The following NRG1 variants were observed in gnomAD, a reference collection of about 807,000 sequenced individuals.
NRG1 encodes neuregulin 1.
In NRG1, 18 loss-of-function variants were observed where a neutral mutation model predicts 63.8. That is an observed-to-expected ratio of 0.28 (90% CI 0.19 to 0.42). NRG1 has a LOEUF of 0.42. Among genes scored for constraint, NRG1 ranks in the 10% least tolerant of loss-of-function variants. The pLI is 1.00. For synonymous variants in NRG1, 302 were observed against 301.3 expected, an observed-to-expected ratio of 1.00 and a Z score of -0.02; for missense variants, 762 against 814.7, an observed-to-expected ratio of 0.94 and a Z score of 0.79.
chr8:32,702,520 CT>C (rs1400682378), intron 5 of NRG1, among the ~76,000 whole-genome samples: 2 of 152,168 alleles, frequency 1.3e-5, no homozygotes, highest in Non-Finnish European at 2.9e-5. Flanking sequence ...GGAGTCTCGC[CT>C]TGTGGCCCAG....
intron 5 of NRG1, among the ~76,000 whole-genome samples, chr8:32,674,213 A>G (rs1249183837): frequency 6.6e-6 from 1 of 152,224 alleles, no homozygotes; most frequent in African/African-American, 2.4e-5. Flanking sequence ...AGGGGTTACC[A>G]GAGCTATCCA....
At chr8:32,434,514 T>C (rs1287716135) in intron 1 of NRG1, among the ~76,000 whole-genome samples, 1 of 152,150 alleles carries the variant, frequency 6.6e-6, no homozygotes, top group Non-Finnish European at 1.5e-5. Context: ...ACTGAACTCT[T>C]AATGCCCCAG....
chr8:31,705,254 G>A (rs1216691997), intron 1 of NRG1, among the ~76,000 whole-genome samples: 1 of 151,906 alleles, frequency 6.6e-6, no homozygotes, highest in African/African-American at 2.4e-5. Flanking sequence ...CACCATGTTG[G>A]CCAGGATGGT....
chr8:32,137,981 C>T (rs1256215079), intron 1 of NRG1, among the ~76,000 whole-genome samples: 2 of 152,104 alleles, frequency 1.3e-5, no homozygotes, highest in Non-Finnish European at 2.9e-5. Context: ...CCTGTGTCTG[C>T]TGGGATCCTT....
intron 7 of NRG1, chr8:32,743,159 T>G: frequency 1.0e-6 from 1 of 988,430 alleles, no homozygotes; most frequent in Non-Finnish European, 1.2e-6. Flanking sequence ...GATATGCACT[T>G]GAAATGATGG....
intron 1 of NRG1, among the ~76,000 whole-genome samples, chr8:32,172,855 TAC>T (rs1273946625): frequency 1.3e-5 from 2 of 152,204 alleles, no homozygotes; most frequent in Non-Finnish European, 2.9e-5. Context: ...AGACCAAATC[TAC>T]ATCTGATTGG....
At chr8:31,912,241 A>T (rs540695875) in intron 1 of NRG1, among the ~76,000 whole-genome samples, 98 of 152,292 alleles carry the variant, frequency 6.4e-4, no homozygotes, top group African/African-American at 2.2e-3. Context: ...TTTATGATTG[A>T]TAACTGTTTT....
intron 1 of NRG1, among the ~76,000 whole-genome samples, chr8:31,907,633 T>C (rs1832635353): frequency 6.6e-6 from 1 of 152,166 alleles, no homozygotes; most frequent in Non-Finnish European, 1.5e-5. Context: ...GTTTTGTTTG[T>C]TTGTTTTTCC....
At chr8:32,125,058 T>C (rs555624764) in intron 1 of NRG1, among the ~76,000 whole-genome samples, 1 of 151,988 alleles carries the variant, frequency 6.6e-6, no homozygotes, top group African/African-American at 2.4e-5. Flanking sequence ...GAAAACTAAC[T>C]TAGGCCCTTT....
chr8:31,709,705 A>G (rs1372034797), intron 1 of NRG1, among the ~76,000 whole-genome samples: 1 of 151,992 alleles, frequency 6.6e-6, no homozygotes, highest in Non-Finnish European at 1.5e-5. Flanking sequence ...AGAAAATTAC[A>G]TATCTCATCC....
chr8:32,008,400 G>T (rs1448551863), intron 1 of NRG1, among the ~76,000 whole-genome samples: 4 of 151,950 alleles, frequency 2.6e-5, no homozygotes, highest in Admixed American at 1.3e-4. Flanking sequence ...AGAAACAAAA[G>T]AAAGCACTTC....
intron 1 of NRG1, among the ~76,000 whole-genome samples, chr8:32,299,025 C>CA (rs34799826): frequency 0.17 from 9,832 of 58,904 alleles, 826 homozygotes; most frequent in Non-Finnish European, 0.21. Flanking sequence ...GACTCTATCT[C>CA]AAAAAAAAAA....
intron 1 of NRG1, among the ~76,000 whole-genome samples, chr8:32,569,132 C>G (rs1473674730): frequency 1.3e-5 from 2 of 152,160 alleles, no homozygotes; most frequent in African/African-American, 4.8e-5. Context: ...TCATTGCAAC[C>G]TCTGCCTCCC....
intron 1 of NRG1, among the ~76,000 whole-genome samples, chr8:32,275,501 A>G (rs1851999223): frequency 6.6e-6 from 1 of 152,118 alleles, no homozygotes; most frequent in African/African-American, 2.4e-5. Flanking sequence ...AAGCCTCTCC[A>G]GTGAAAGGAC....
Position 32,293,759 on chromosome 8 carries a change from G to A in NRG1, c.38-302069G>A, listed in dbSNP as rs1252068647. The stretch of plus-strand genomic sequence containing the variant: ...TTTTGAGATGGAGTTTCACTCTGTC[G>A]CCCAGGCTGGAGAGCAATGGTGCTA... On this transcript the variant is annotated intron_variant, in intron 1 of 10. Coordinates refer to the NRG1 transcript ENST00000519301. 6.9e-5 allele frequency among the ~76,000 whole-genome samples: 8 copies of A among 115,436 alleles called. No homozygotes were observed. In the East Asian group the frequency reaches 1.2e-3, roughly 17 times the overall value. The allele number at this position is 115,436 out of a possible 152,430, so 75.7% of individuals were successfully genotyped here.
intron 1 of NRG1, among the ~76,000 whole-genome samples, chr8:32,417,074 G>T (rs1356070421): frequency 6.6e-6 from 1 of 152,096 alleles, no homozygotes; most frequent in African/African-American, 2.4e-5. Context: ...TCCAGTTAAG[G>T]TAAAAAGGGA....
chr8:32,570,663 G>C (rs539553434), intron 1 of NRG1, among the ~76,000 whole-genome samples: 1 of 152,218 alleles, frequency 6.6e-6, no homozygotes, highest in South Asian at 2.1e-4. Flanking sequence ...CATACATTCA[G>C]TGTATTTCCC....
rs561227830 is a variant in NRG1, at chr8:32,053,507, G to C, written c.37+414076G>C. 1.9e-4 allele frequency among the ~76,000 whole-genome samples: 29 copies of C among 152,286 alleles called. No individual in the cohort carries two copies. The South Asian group carries it at 5.8e-3, about 30-fold the overall frequency. On this transcript the variant is annotated intron_variant, in intron 1 of 10. Coordinates refer to the NRG1 transcript ENST00000519301. The stretch of plus-strand genomic sequence containing the variant: ...TAGAAATGGACTTAACAACCAGGAT[G>C]AGGGGGTCATGTTTTGGGGATCAAA...
chr8:32,396,781 G>A (rs1010575556), intron 1 of NRG1, among the ~76,000 whole-genome samples: 1 of 152,082 alleles, frequency 6.6e-6, no homozygotes, highest in Admixed American at 6.6e-5. Flanking sequence ...TATTATTAAT[G>A]ACATTGTTTT....
Sources: gnomAD v4.1 joint callset for allele counts (sites outside exome capture counted in the v4.1 genomes callset) on GRCh38, gnomAD v4.1.1 for gene constraint, MANE v1.5 for transcripts, NCBI Gene and HGNC (gene_info 2026-07-23, HGNC 2026-07-21) for gene names.